The following SHISA5 variants were observed in gnomAD, a reference collection of about 807,000 sequenced individuals.
SHISA5 encodes shisa family member 5.
A neutral mutation model predicts 27.5 loss-of-function variants in SHISA5; 21 were observed. The ratio of observed to expected loss-of-function variants is 0.76; its 90% confidence interval spans 0.54 to 1.10. SHISA5 has a LOEUF of 1.10. Ranked by LOEUF, SHISA5 falls within the 50% of genes least tolerant of loss-of-function variation. The pLI, the probability that SHISA5 is intolerant of heterozygous loss-of-function variation, is 0.00. For synonymous variants in SHISA5, 137 were observed against 142.2 expected, an observed-to-expected ratio of 0.96 and a Z score of 0.26; for missense variants, 314 against 336.3, an observed-to-expected ratio of 0.93 and a Z score of 0.52.
At chr3:48,477,701 C>T (rs770602775) in intron 3 of SHISA5, among the ~76,000 whole-genome samples, 3 of 152,186 alleles carry the variant, frequency 2.0e-5, no homozygotes, top group Non-Finnish European at 4.4e-5. Flanking sequence ...CCATGGACTC[C>T]GTGGTGTGAA....
chr3:48,473,109 G>A lies in SHISA5; in HGVS notation c.315-3266C>T, dbSNP rs2040699868. 1 of 1,482,496 alleles carries A rather than the reference G, an allele frequency of 6.7e-7. No homozygotes were observed. The highest frequency in any genetic ancestry group is 1.3e-5 in the South Asian group (1 of 77,246). 91.8% of individuals were successfully genotyped at this position (1,482,496 alleles called of 1,614,324 possible). On this transcript the variant is annotated intron_variant, in intron 3 of 5. Coordinates refer to ENST00000296444, the MANE Select transcript of SHISA5 (RefSeq NM_016479.6). This position sits in a 1 kb window ranked among gnomAD's most constrained non-coding sequence, Gnocchi z 4.3. ...TCAGTTTCAATTTCCTCCCCTTTTG[G>A]AGAAAAAGAAAGCAAATCTCCTCCA...
intron 2 of SHISA5, among the ~76,000 whole-genome samples, chr3:48,490,437 A>G (rs1025382929): frequency 1.4e-4 from 21 of 152,224 alleles, no homozygotes; most frequent in Admixed American, 1.3e-3. Context: ...AGCCCCCATC[A>G]CAGTGGGTCC....
chr3:48,499,407 G>A (rs145531228), intron 2 of SHISA5, among the ~76,000 whole-genome samples: 59 of 152,068 alleles, frequency 3.9e-4, no homozygotes, highest in African/African-American at 1.3e-3. Flanking sequence ...CATCAGGCGC[G>A]GTGGCTCATG....
At chr3:48,503,743 C>T in intron 1 of SHISA5, 3 of 1,221,262 alleles carry the variant, frequency 2.5e-6, no homozygotes, top group Non-Finnish European at 3.1e-6. Context: ...GGACTCCATC[C>T]CCTGGAACAT....
In SHISA5 at chr3:48,504,051, A is replaced by AGCAACG. The variant is rs1255101673; in HGVS notation, c.38_43dup (p.Pro13_Leu14dup). The AGCAACG allele has an allele frequency of 3.8e-5, 56 of 1,456,878 alleles. No individual in the cohort carries two copies. The highest frequency in any genetic ancestry group is 4.7e-5 in the Non-Finnish European group (52 of 1,100,606). 90.2% of individuals were successfully genotyped at this position (1,456,878 alleles called of 1,614,324 possible). ...AGGCGGCGTTAGCAGCAGCAGCAAC[A>AGCAACG]GCAACGGCAACAGGATCCGCGGCGC... On this transcript the variant is annotated inframe_insertion, in exon 1 of 6. Coordinates refer to ENST00000296444, the MANE Select transcript of SHISA5 (RefSeq NM_016479.6). This position sits in a 1 kb window ranked among gnomAD's most constrained non-coding sequence, Gnocchi z 4.0.
chr3:48,494,935 G>T (rs1020416847), intron 2 of SHISA5, among the ~76,000 whole-genome samples: 1 of 146,964 alleles, frequency 6.8e-6, no homozygotes, highest in South Asian at 2.1e-4. Context: ...ACTGAAACAT[G>T]AAAGATCTGT....
Position 48,479,216 on chromosome 3 carries a change from G to A in SHISA5, c.275C>T (p.Ala92Val), listed in dbSNP as rs776639550. 1.2e-5 allele frequency: 19 copies of A among 1,534,774 alleles called. No homozygotes were observed. Among genetic ancestry groups the A allele is most frequent in the South Asian group, 2.4e-5 (2 of 83,872 alleles). ...GTTGTAGCCAGGGCGAAACCTCAGC[G>A]CCGAGCCCAGCTGCTCCACCGGCTC... ...SVEPVEQLGS[A>V]LRFRPGYNDP... The change falls in exon 3 of 6, where the codon GCG becomes GTG. Residue 92 changes from alanine (A) to valine (V), a missense_variant. Transcript: ENST00000296444.
At chr3:48,501,085 C>T (rs1207039415) in intron 2 of SHISA5, 52 bp downstream of exon 2, 3 of 1,551,456 alleles carry the variant, frequency 1.9e-6, no homozygotes, top group Non-Finnish European at 8.7e-7. Context: ...ACATACTCTC[C>T]TGTGGGGCAC....
chr3:48,492,763 T>C (rs1361923861), intron 2 of SHISA5, among the ~76,000 whole-genome samples: 1 of 147,338 alleles, frequency 6.8e-6, no homozygotes, highest in Non-Finnish European at 1.5e-5. Flanking sequence ...TTATGGTAAG[T>C]ATGTGAAAGG....
chr3:48,468,601 C>T lies in SHISA5; in HGVS notation c.*506G>A. The T allele has an allele frequency of 8.4e-7, 1 of 1,194,502 alleles. No homozygotes were observed. The highest frequency in any genetic ancestry group is 1.6e-5 in the South Asian group (1 of 64,458). 74.0% of individuals were successfully genotyped at this position (1,194,502 alleles called of 1,614,324 possible). ...TCCCAAGCTTCGCCTGCATCATGTC[C>T]CTGGCTCTGCAACGGGTACCCCCAA... On this transcript the variant is annotated 3_prime_UTR_variant, in exon 6 of 6. Transcript: ENST00000296444.
At position 48,494,064 on chromosome 3, in the gene SHISA5, G is replaced by T. The variant is rs1319604533; in HGVS notation, c.233+7073C>A. 2.3e-4 allele frequency among the ~76,000 whole-genome samples: 34 copies of T among 146,710 alleles called. 7 individuals are homozygous for T. Among genetic ancestry groups the T allele is most frequent in the African/African-American group, 9.3e-4 (34 of 36,736 alleles). ...CATTATGATGTACAATAGATCTCTT[G>T]AACTTACTCCTCCTAAGTGAAATTT... On this transcript the variant is annotated intron_variant, in intron 2 of 5. Transcript: ENST00000296444.
chr3:48,480,077 G>A (rs1224316946), intron 2 of SHISA5, among the ~76,000 whole-genome samples: 3 of 150,726 alleles, frequency 2.0e-5, no homozygotes, highest in African/African-American at 4.9e-5. Flanking sequence ...CTAATTTTTT[G>A]TATTTTTAGT....
At chr3:48,471,253 A>G (rs1327160315) in intron 3 of SHISA5, among the ~76,000 whole-genome samples, 2 of 151,996 alleles carry the variant, frequency 1.3e-5, no homozygotes, top group Non-Finnish European at 2.9e-5. Flanking sequence ...GCCTCAAGCA[A>G]TCTTCCCTCC....
chr3:48,469,789 A>T lies in SHISA5; in HGVS notation c.369T>A (p.Thr123=), dbSNP rs148484587. 9.5e-4 allele frequency: 1,533 copies of T among 1,614,116 alleles called. 5 individuals carry two copies. In the African/African-American group the frequency reaches 0.016, roughly 17 times the overall value. The change falls in exon 4 of 6, where the codon ACT becomes ACA. Residue 123 remains threonine (T), a synonymous_variant. Transcript: ENST00000296444. The surrounding 1 kb of genome is among the most constrained non-coding windows in gnomAD (Gnocchi z 4.6). ...AGGAGCAGGTGAAGCAGATGATGATAGTGACGACAGACAGCACAAAGATGG... is the reference window on the plus strand; with the variant it reads ...AGGAGCAGGTGAAGCAGATGATGATTGTGACGACAGACAGCACAAAGATGG... ...GLTIFVLSVV[T]IIICFTCSCC...
chr3:48,477,073 T>C (rs1290252311), intron 3 of SHISA5: 2 of 452,790 alleles, frequency 4.4e-6, no homozygotes, highest in Non-Finnish European at 8.9e-6. Context: ...TGTCTCCTCC[T>C]TGTTGTCCCA....
At chr3:48,481,441 A>AAAAATAAAATAAAATAAAATAAAAT (rs58732653) in intron 2 of SHISA5, among the ~76,000 whole-genome samples, 3,228 of 144,152 alleles carry the variant, frequency 0.022, 202 homozygotes, top group African/African-American at 0.082. Context: ...TCTGTCTCAA[A>AAAAATAAAATAAAATAAAATAAAAT]AAAATAAAAT....
In SHISA5 at chr3:48,469,731, G is replaced by A. The variant is rs754986084; in HGVS notation, c.427C>T (p.Arg143Cys). The change falls in exon 4 of 6, where the codon CGT becomes TGT. Residue 143 changes from arginine (R) to cysteine (C), a missense_variant. Transcript: ENST00000296444. The surrounding 1 kb of genome is among the most constrained non-coding windows in gnomAD (Gnocchi z 4.6). ...GGGGCAGGGTGGGCACGCTTACGAC[G>A]TGGTCGGCGGCACGTCTTGTAAAGG... ...CCLYKTCRRP[R>C]PVVTTTTSTT... 105 of 1,613,934 alleles carry A rather than the reference G, an allele frequency of 6.5e-5. No individual in the cohort carries two copies. The highest frequency in any genetic ancestry group is 8.3e-5 in the Non-Finnish European group (98 of 1,179,970).
chr3:48,498,579 T>C (rs1453800760), intron 2 of SHISA5, among the ~76,000 whole-genome samples: 1 of 148,048 alleles, frequency 6.8e-6, no homozygotes, highest in Non-Finnish European at 1.5e-5. Context: ...CCCAGCTACA[T>C]GGGAAGCTGA....
chr3:48,501,499 C>T (rs548082454), intron 1 of SHISA5, among the ~76,000 whole-genome samples: 27 of 152,266 alleles, frequency 1.8e-4, no homozygotes, highest in Non-Finnish European at 3.7e-4. Flanking sequence ...ACAGAGCTGC[C>T]CTAACTGGGC....
Sources: gnomAD v4.1 joint callset for allele counts (sites outside exome capture counted in the v4.1 genomes callset) on GRCh38, gnomAD v4.1.1 for gene constraint, Gnocchi (gnomAD v3.1) non-coding constraint, MANE v1.5 for transcripts, NCBI Gene and HGNC (gene_info 2026-07-23, HGNC 2026-07-21) for gene names.